Variants in PPP4R3B observed in about 807,000 individuals in gnomAD.
PPP4R3B encodes the protein protein phosphatase 4 regulatory subunit 3B.
Under a neutral mutation model 95.4 loss-of-function variants are expected in PPP4R3B, and 52 were observed. The observed-to-expected ratio is 0.54, with a 90% CI of 0.44 to 0.69. PPP4R3B has a LOEUF of 0.69. Ranked by LOEUF, PPP4R3B falls within the 30% of genes least tolerant of loss-of-function variation. PPP4R3B has a pLI of 0.00. For missense variants in PPP4R3B, 1,003 were observed against 1,005.9 expected (o/e 1.00, Z 0.04); for synonymous variants, 407 against 343.9 (o/e 1.18, Z -2.03).
chr2:55,578,309 C>G lies in PPP4R3B; in HGVS notation c.1502G>C (p.Ser501Thr). 6.9e-7 allele frequency: 1 copy of G among 1,457,014 alleles called. No individual in the cohort carries two copies. The highest frequency in any genetic ancestry group is 1.8e-4 in the Middle Eastern group (1 of 5,636). 90.3% of individuals were successfully genotyped at this position (1,457,014 alleles called of 1,614,324 possible). A position where few individuals can be genotyped will look rare whatever the true frequency, so the allele number is the denominator to read the frequency against. ...FFLKHYRYSW[S>T]FICTPSHSHS... ...GGAATGTGAAGGGGTACATATGAAACTCCAACTATATCTGTAATGTTTTAA... is the reference window on the plus strand; with the variant it reads ...GGAATGTGAAGGGGTACATATGAAAGTCCAACTATATCTGTAATGTTTTAA... The change falls in exon 10 of 17, where the codon AGT becomes ACT. Residue 501 changes from serine to threonine, a missense_variant. Physicochemically the swap from Ser to Thr is moderately conservative, Grantham distance 58. Transcript: ENST00000616407.
intron 8 of PPP4R3B, among the ~76,000 whole-genome samples, chr2:55,580,303 G>T (rs1339817934): frequency 2.6e-5 from 4 of 152,086 alleles, no homozygotes; most frequent in Admixed American, 2.6e-4. Context: ...TAAACAACAT[G>T]TAAGTCAGAA....
In PPP4R3B at chr2:55,549,062, A is replaced by T. The variant is rs2103707215; in HGVS notation, c.*849T>A. 1 of 152,456 alleles carries T rather than the reference A, an allele frequency of 6.6e-6. No individual in the cohort carries two copies. Among genetic ancestry groups the T allele is most frequent in the Non-Finnish European group, 1.5e-5 (1 of 68,022 alleles). 9.4% of individuals were successfully genotyped at this position (152,456 alleles called of 1,614,324 possible). ...AACACTTTAAAACTTGCAGCTCTGG[A>T]AAGACAGAACTTTACTAACAAAGTA... On this transcript the variant is annotated 3_prime_UTR_variant, in exon 17 of 17. Coordinates refer to ENST00000616407, the MANE Select transcript of PPP4R3B (RefSeq NM_001122964.3).
At chr2:55,577,283 C>A (rs758264253) in intron 11 of PPP4R3B, 32 bp downstream of exon 11, 16 of 1,534,868 alleles carry the variant, frequency 1.0e-5, no homozygotes, top group Non-Finnish European at 1.4e-5. Flanking sequence ...TTATAATTTG[C>A]ATGTATTCAT....
rs954121582 is a variant in PPP4R3B, at chr2:55,598,938, G to C, written c.399C>G (p.Asp133Glu). 3 of 1,614,078 alleles carry C rather than the reference G, an allele frequency of 1.9e-6. No individual in the cohort carries two copies. The highest frequency in any genetic ancestry group is 2.5e-6 in the Non-Finnish European group (3 of 1,180,052). ...EEMPETSHLI[D>E]LPTCELNKLE... ...GTTTATTGAGTTCACATGTGGGCAG[G>C]TCAATCAGATGACTAGTTTCAGGCA... Residue 133 changes from aspartate to glutamate, a missense_variant, in exon 4 of 17, where the codon GAC becomes GAG. By Grantham distance (45) the Asp-to-Glu change is conservative (BLOSUM62 2). Around this residue, in one of 3 missense-constraint regions of PPP4R3B, gnomAD observed 695 missense variants for 686.2 expected, o/e 1.01. Transcript: ENST00000616407.
At chr2:55,552,475 CCT>C (rs1458571063) in intron 16 of PPP4R3B, among the ~76,000 whole-genome samples, 4 of 152,178 alleles carry the variant, frequency 2.6e-5, no homozygotes, top group Non-Finnish European at 4.4e-5. Context: ...TTCACTGCAA[CCT>C]CTGTCTCCAG....
chr2:55,593,760 C>T (rs1691358021), intron 4 of PPP4R3B, among the ~76,000 whole-genome samples: 2 of 152,106 alleles, frequency 1.3e-5, no homozygotes, highest in African/African-American at 4.8e-5. Context: ...AAAATAGAGA[C>T]CACTGGCCAC....
At chr2:55,590,249 C>T (rs553547188) in intron 4 of PPP4R3B, among the ~76,000 whole-genome samples, 4 of 151,736 alleles carry the variant, frequency 2.6e-5, no homozygotes, top group Admixed American at 6.6e-5. Context: ...ATCGCTTGAA[C>T]CTGGGAGGCG....
At chr2:55,593,783 T>C (rs1032534384) in intron 4 of PPP4R3B, among the ~76,000 whole-genome samples, 5 of 152,148 alleles carry the variant, frequency 3.3e-5, no homozygotes, top group African/African-American at 4.8e-5. Flanking sequence ...TCTTATTTCT[T>C]TCCTTTTCAC....
rs757498742 is a variant in PPP4R3B at position 55,617,208 on chromosome 2, G to A, written c.78C>T (p.His26=). ...GCTCCTCCACGTAAGTGGAGGAGAC[G>A]TGCCCGGTGCCTCGGTCGTCCCATT... is the stretch of plus-strand genomic sequence containing the variant. ...DRQWDDRGTG[H]VSSTYVEELK... The change falls in exon 1 of 17, where the codon CAC becomes CAT. Residue 26 remains histidine (H), a synonymous_variant. Coordinates refer to ENST00000616407, the MANE Select transcript of PPP4R3B (RefSeq NM_001122964.3). 5 of 1,614,026 alleles carry A rather than the reference G, an allele frequency of 3.1e-6. No individual in the cohort carries two copies. The highest frequency in any genetic ancestry group is 3.4e-6 in the Non-Finnish European group (4 of 1,179,952).
chr2:55,551,143 AAT>A (rs1206867189), intron 16 of PPP4R3B, among the ~76,000 whole-genome samples: 1 of 152,020 alleles, frequency 6.6e-6, no homozygotes, highest in Non-Finnish European at 1.5e-5. Flanking sequence ...CCTGAGAGAT[AAT>A]GAGTTCAAAA....
At chr2:55,585,719 G>A (rs1473901712) in intron 6 of PPP4R3B, among the ~76,000 whole-genome samples, 1 of 152,124 alleles carries the variant, frequency 6.6e-6, no homozygotes, top group Non-Finnish European at 1.5e-5. Flanking sequence ...AACACATGAA[G>A]AGTACATGAC....
chr2:55,614,088 T>A (rs571500241), intron 2 of PPP4R3B: 1 of 152,304 alleles, frequency 6.6e-6, no homozygotes, highest in Admixed American at 6.5e-5. Flanking sequence ...GAATTGAATA[T>A]TGAAAATTTT....
chr2:55,589,168 A>G (rs1490513250), intron 4 of PPP4R3B, among the ~76,000 whole-genome samples: 2 of 152,214 alleles, frequency 1.3e-5, no homozygotes, highest in Admixed American at 6.5e-5. Flanking sequence ...TAGTTTAACT[A>G]AAAACCTCAA....
At chr2:55,559,496 CAT>C (rs1239524980) in intron 15 of PPP4R3B, among the ~76,000 whole-genome samples, 1 of 144,178 alleles carries the variant, frequency 6.9e-6, no homozygotes, top group Non-Finnish European at 1.6e-5. Flanking sequence ...GTAATCCCCA[CAT>C]GTCAGGGGAG....
Position 55,617,542 on chromosome 2 carries a change from G to A in PPP4R3B, c.-257C>T, listed in dbSNP as rs1295093674. On this transcript the variant is annotated 5_prime_UTR_variant, in exon 1 of 17. Coordinates refer to ENST00000616407, the MANE Select transcript of PPP4R3B (RefSeq NM_001122964.3). Reference sequence around the variant, plus strand: ...CACTCTCCCGTCTCTTTGCCCCCCAGGGCTCGCTTGCTCTCCCGCCGCCGC... The same window carrying A: ...CACTCTCCCGTCTCTTTGCCCCCCAAGGCTCGCTTGCTCTCCCGCCGCCGC... 15 of 392,922 alleles carry A rather than the reference G, an allele frequency of 3.8e-5. No individual in the cohort carries two copies. Among genetic ancestry groups the A allele is most frequent in the African/African-American group, 2.7e-4 (13 of 48,710 alleles). The allele number at this position is 392,922 out of a possible 1,614,324, so 24.3% of individuals were successfully genotyped here. A position where few individuals can be genotyped will look rare whatever the true frequency, so the allele number is the denominator to read the frequency against.
At chr2:55,575,891 G>T (rs1270051123) in intron 11 of PPP4R3B, among the ~76,000 whole-genome samples, 1 of 152,168 alleles carries the variant, frequency 6.6e-6, no homozygotes, top group Non-Finnish European at 1.5e-5. Flanking sequence ...AATTAGCATT[G>T]TAATAACAGA....
chr2:55,554,978 A>G (rs577026959), intron 16 of PPP4R3B, among the ~76,000 whole-genome samples: 340 of 152,274 alleles, frequency 2.2e-3, no homozygotes, highest in African/African-American at 7.7e-3. Flanking sequence ...CAGTTGTAAC[A>G]TTTATTGAAA....
intron 16 of PPP4R3B, among the ~76,000 whole-genome samples, chr2:55,555,418 T>C (rs935086367): frequency 9.2e-5 from 14 of 151,550 alleles, no homozygotes; most frequent in South Asian, 4.2e-4. Flanking sequence ...AAGTTTCCAA[T>C]ATGAAAGAAA....
intron 4 of PPP4R3B, among the ~76,000 whole-genome samples, chr2:55,596,337 G>A (rs1021819544): frequency 1.9e-4 from 9 of 46,678 alleles, no homozygotes; most frequent in Non-Finnish European, 3.9e-4. Flanking sequence ...CATCAGATTC[G>A]TCTATTTCGA....
Sources: gnomAD v4.1 joint callset for allele counts (sites outside exome capture counted in the v4.1 genomes callset) on GRCh38, gnomAD v4.1.1 for gene constraint, gnomAD v4.1.1 regional missense constraint, MANE v1.5 for transcripts, NCBI Gene and HGNC (gene_info 2026-07-23, HGNC 2026-07-21) for gene names.